The following PLEKHG1 variants were observed in gnomAD, a reference collection of about 807,000 sequenced individuals.
The protein encoded by PLEKHG1 is pleckstrin homology and RhoGEF domain containing G1.
In PLEKHG1, 44 loss-of-function variants were observed where a neutral mutation model predicts 100.8. The observed-to-expected ratio is 0.44, with a 90% CI of 0.34 to 0.56. The LOEUF (loss-of-function observed/expected upper bound fraction) is 0.56, where lower values mean the gene tolerates loss of function less well. Ranked by LOEUF, PLEKHG1 falls within the 20% of genes least tolerant of loss-of-function variation. The pLI, the probability that PLEKHG1 is intolerant of heterozygous loss-of-function variation, is 0.01. For synonymous variants in PLEKHG1, 640 were observed against 662.5 expected (o/e 0.97, Z 0.52); for missense variants, 1,545 against 1,720.9 (o/e 0.90, Z 1.81).
chr6:150,803,023 C>T (rs1409193345), intron 6 of PLEKHG1, among the ~76,000 whole-genome samples: 3 of 152,064 alleles, frequency 2.0e-5, no homozygotes, highest in Admixed American at 2.0e-4. Flanking sequence ...ATCCTCTGTA[C>T]CTCCCAGTCT....
At chr6:150,741,641 A>G (rs1349076038) in intron 2 of PLEKHG1, among the ~76,000 whole-genome samples, 1 of 151,868 alleles carries the variant, frequency 6.6e-6, no homozygotes, top group Non-Finnish European at 1.5e-5. Flanking sequence ...GAGAATATTG[A>G]ATGTACAGAG....
chr6:150,615,774 C>G (rs796494545), intron 1 of PLEKHG1, among the ~76,000 whole-genome samples: 4 of 152,128 alleles, frequency 2.6e-5, no homozygotes, highest in Non-Finnish European at 5.9e-5. Flanking sequence ...GAAGCTTTAC[C>G]TATGGTTCCC....
chr6:150,680,724 A>G (rs1241620862), intron 3 of PLEKHG1, among the ~76,000 whole-genome samples: 2 of 152,244 alleles, frequency 1.3e-5, no homozygotes, highest in African/African-American at 4.8e-5. Context: ...AAGCAGCATC[A>G]TATTACAGGT....
At chr6:150,649,642 C>T (rs538603789) in intron 2 of PLEKHG1, among the ~76,000 whole-genome samples, 5 of 152,218 alleles carry the variant, frequency 3.3e-5, no homozygotes, top group African/African-American at 1.2e-4. Flanking sequence ...TTTGGGAGGC[C>T]GAGGCGGGCA....
chr6:150,808,934 G>A (rs909999682), intron 7 of PLEKHG1, among the ~76,000 whole-genome samples, 171 bp from the exon 9 acceptor site: 3 of 152,166 alleles, frequency 2.0e-5, no homozygotes, highest in Non-Finnish European at 4.4e-5. Flanking sequence ...CCCTTAAGTG[G>A]CACCACTTGT....
At chr6:150,786,685 T>G (rs1255543738) in intron 4 of PLEKHG1, among the ~76,000 whole-genome samples, 1 of 152,140 alleles carries the variant, frequency 6.6e-6, no homozygotes. Context: ...ATGTTACTCT[T>G]TGCTGGGAAA....
chr6:150,701,461 A>G (rs1475180122), intron 3 of PLEKHG1, among the ~76,000 whole-genome samples: 20 of 85,544 alleles, frequency 2.3e-4, no homozygotes, highest in East Asian at 3.5e-4. Flanking sequence ...ATATATATAT[A>G]TATATAATTA....
intron 1 of PLEKHG1, among the ~76,000 whole-genome samples, chr6:150,725,378 A>G (rs1292832984): frequency 6.6e-6 from 1 of 152,238 alleles, no homozygotes; most frequent in African/African-American, 2.4e-5. Flanking sequence ...AGCAATTAAT[A>G]TAGGAATCAA....
chr6:150,614,909 C>A (rs536095795), intron 1 of PLEKHG1, among the ~76,000 whole-genome samples: 2 of 152,286 alleles, frequency 1.3e-5, no homozygotes, highest in Non-Finnish European at 1.5e-5. Context: ...AAATTAGTCA[C>A]ATGAAAATCA....
At chr6:150,639,458 C>T (rs1258587904) in intron 2 of PLEKHG1, among the ~76,000 whole-genome samples, 4 of 152,008 alleles carry the variant, frequency 2.6e-5, no homozygotes, top group Non-Finnish European at 5.9e-5. Context: ...TTGTTAATTA[C>T]AGTCATCCTC....
chr6:150,752,596 A>G (rs1783583711), intron 2 of PLEKHG1, among the ~76,000 whole-genome samples: 1 of 152,194 alleles, frequency 6.6e-6, no homozygotes, highest in South Asian at 2.1e-4. Context: ...AGGTTCATTC[A>G]TGTTGCAACC....
chr6:150,817,365 C>T (rs1387681625), intron 10 of PLEKHG1, among the ~76,000 whole-genome samples: 1 of 152,092 alleles, frequency 6.6e-6, no homozygotes, highest in Non-Finnish European at 1.5e-5. Context: ...AGAGACTTAG[C>T]TCATGATAAT....
chr6:150,831,780 C>T lies in PLEKHG1; in HGVS notation c.2669C>T (p.Thr890Met), dbSNP rs762632267. Residue 890 changes from threonine (T) to methionine (M), a missense_variant, in exon 15 of 16, where the codon ACG (threonine) becomes ATG (methionine). Physicochemically the swap from Thr to Met is moderately conservative, Grantham distance 81. Coordinates refer to ENST00000358517, the Ensembl canonical transcript of PLEKHG1. The surrounding 1 kb of genome is among the most constrained non-coding windows in gnomAD (Gnocchi z 4.1). ...CGGGACGTGGGGCGCTCTGTGTCCA[C>T]GCTGTCCCTGCCTGAGAGCCAGGCT... The T allele has an allele frequency of 5.1e-5, 83 of 1,613,376 alleles. No homozygotes were observed. The highest frequency in any genetic ancestry group is 6.4e-5 in the Non-Finnish European group (75 of 1,179,816).
At chr6:150,805,787 A>G (rs1231089379) in intron 7 of PLEKHG1, among the ~76,000 whole-genome samples, 1 of 152,150 alleles carries the variant, frequency 6.6e-6, no homozygotes, top group Non-Finnish European at 1.5e-5. Flanking sequence ...TCAGCCTCCC[A>G]AAGTGCTGGG....
At chr6:150,753,504 G>A (rs894993610) in intron 2 of PLEKHG1, among the ~76,000 whole-genome samples, 15 of 152,228 alleles carry the variant, frequency 9.9e-5, no homozygotes, top group South Asian at 2.1e-4. Context: ...CGAGCTGGCC[G>A]CCCAGCAGCT....
chr6:150,752,844 G>A (rs891840836), intron 2 of PLEKHG1, among the ~76,000 whole-genome samples: 5 of 152,126 alleles, frequency 3.3e-5, no homozygotes, highest in Non-Finnish European at 2.9e-5. Context: ...TGGTACAGTG[G>A]CTCGTGCCTG....
At chr6:150,830,975 A>G (rs1776889983) in exon 15 of PLEKHG1, 2 of 1,613,906 alleles carry the variant, frequency 1.2e-6, no homozygotes, top group Non-Finnish European at 1.7e-6. Context: ...CCCTCCTGAA[A>G]TAGGAACTAG....
chr6:150,629,517 G>A (rs146494490), intron 1 of PLEKHG1, among the ~76,000 whole-genome samples: 5,515 of 151,994 alleles, frequency 0.036, 243 homozygotes, highest in Admixed American at 0.098. Flanking sequence ...CTGGAGTGCA[G>A]TGGCGCAATC....
intron 3 of PLEKHG1, among the ~76,000 whole-genome samples, chr6:150,666,676 G>A (rs1779402488): frequency 6.6e-6 from 1 of 152,100 alleles, no homozygotes; most frequent in South Asian, 2.1e-4. Context: ...AACGTGCACA[G>A]CAAGTTCATG....
Sources: allele counts gnomAD v4.1 joint callset (sites outside exome capture counted in the v4.1 genomes callset), GRCh38; gene constraint gnomAD v4.1.1; non-coding constraint Gnocchi (gnomAD v3.1); transcripts MANE v1.5; gene names NCBI Gene and HGNC (gene_info 2026-07-23, HGNC 2026-07-21).